BCAS3: variants seen among roughly 807,000 people sequenced by gnomAD.
BCAS3 encodes the protein BCAS3 microtubule associated cell migration factor, also known as BCAS4/BCAS3 fusion.
BCAS3 carries 53 observed loss-of-function variants against 116.1 expected under a neutral mutation model. The observed-to-expected ratio is 0.46, with a 90% CI of 0.37 to 0.57. The LOEUF (loss-of-function observed/expected upper bound fraction) is 0.57. Among genes scored for constraint, BCAS3 ranks in the 20% least tolerant of loss-of-function variants. The pLI is 0.00. For missense variants in BCAS3, 917 were observed against 1,165.4 expected (o/e 0.79, Z 3.10); for synonymous variants, 391 against 408.2 (o/e 0.96, Z 0.51).
At chr17:61,027,689 T>C (rs2066354150) in intron 16 of BCAS3, among the ~76,000 whole-genome samples, 1 of 151,972 alleles carries the variant, frequency 6.6e-6, no homozygotes, top group African/African-American at 2.4e-5. Context: ...ACACACTTAC[T>C]AGCTATATGA....
chr17:60,938,280 A>C (rs2060041982), intron 13 of BCAS3, among the ~76,000 whole-genome samples: 1 of 152,200 alleles, frequency 6.6e-6, no homozygotes, highest in Admixed American at 6.5e-5. Flanking sequence ...AAACTACCTA[A>C]ATTTCTGAAT....
At chr17:60,792,463 C>A (rs1468582166) in intron 6 of BCAS3, among the ~76,000 whole-genome samples, 1 of 152,204 alleles carries the variant, frequency 6.6e-6, no homozygotes, top group East Asian at 1.9e-4. Context: ...GTGAGCAGAG[C>A]ACAGCCTGCC....
chr17:60,719,532 G>A (rs930382687), intron 5 of BCAS3, among the ~76,000 whole-genome samples: 1 of 152,154 alleles, frequency 6.6e-6, no homozygotes, highest in Non-Finnish European at 1.5e-5. Context: ...TAACATTTCT[G>A]TGATTATTAA....
At chr17:61,252,170 G>C (rs73993407) in intron 22 of BCAS3, among the ~76,000 whole-genome samples, 1 of 152,084 alleles carries the variant, frequency 6.6e-6, no homozygotes, top group Non-Finnish European at 1.5e-5. Context: ...CATTAATAAC[G>C]TTTTGTTTAG....
intron 7 of BCAS3, among the ~76,000 whole-genome samples, chr17:60,820,973 T>G (rs2049911282): frequency 6.6e-6 from 1 of 151,966 alleles, no homozygotes; most frequent in African/African-American, 2.4e-5. Flanking sequence ...TGAGACGGAG[T>G]TTTGCTCTTG....
intron 7 of BCAS3, among the ~76,000 whole-genome samples, chr17:60,850,598 A>G (rs192968738): frequency 6.6e-6 from 1 of 151,898 alleles, no homozygotes; most frequent in East Asian, 1.9e-4. Context: ...ACCTCAGGTA[A>G]TCTGCCTGCC....
At chr17:61,384,387 CT>C (rs1481352545) in intron 23 of BCAS3, 2 of 152,286 alleles carry the variant, frequency 1.3e-5, no homozygotes, top group Non-Finnish European at 2.9e-5. Context: ...AAGCCCCCCA[CT>C]TGCTTTTCTC....
intron 22 of BCAS3, among the ~76,000 whole-genome samples, chr17:61,269,112 CT>C (rs2050014194): frequency 6.7e-6 from 1 of 150,018 alleles, no homozygotes; most frequent in Non-Finnish European, 1.5e-5. Context: ...ATTGTATTTT[CT>C]TTTCTTTTTT....
rs1457467100 is a variant in BCAS3 at position 61,071,884 on chromosome 17, T to C, written c.2030-3036T>C. Among the ~76,000 whole-genome samples the C allele has an allele frequency of 3.9e-5, 6 of 152,228 alleles. No homozygotes were observed. The East Asian group carries it at 1.2e-3, about 29-fold the overall frequency. On this transcript the variant is annotated intron_variant, in intron 19 of 23. Transcript: ENST00000407086. Reference sequence around the variant, plus strand: ...TTGGATTATAGTTAGCTTCTAATTATAAGCTTTTCCTGTTTTGATGTTTGT... The same window carrying C: ...TTGGATTATAGTTAGCTTCTAATTACAAGCTTTTCCTGTTTTGATGTTTGT...
At chr17:60,981,908 A>G (rs1045661413) in intron 14 of BCAS3, among the ~76,000 whole-genome samples, 2 of 152,168 alleles carry the variant, frequency 1.3e-5, no homozygotes, top group Non-Finnish European at 2.9e-5. Flanking sequence ...CTTTATATTT[A>G]TAGTACTGTT....
At chr17:60,802,371 C>CATACATACATAT (rs1555724685) in intron 6 of BCAS3, among the ~76,000 whole-genome samples, 13 of 111,946 alleles carry the variant, frequency 1.2e-4, no homozygotes, top group African/African-American at 4.9e-4. Context: ...TACATACATA[C>CATACATACATAT]ATATATATAT....
chr17:60,802,262 C>T (rs1277811503), intron 6 of BCAS3, among the ~76,000 whole-genome samples: 3 of 134,930 alleles, frequency 2.2e-5, no homozygotes, highest in Non-Finnish European at 3.1e-5. Flanking sequence ...CCAGCCTGTG[C>T]AACAGAGTGA....
intron 3 of BCAS3, among the ~76,000 whole-genome samples, chr17:60,686,813 A>G (rs1013792982): frequency 2.0e-5 from 3 of 152,356 alleles, no homozygotes; most frequent in East Asian, 3.8e-4. Flanking sequence ...GGCGTGAGCC[A>G]CTGCACCTGG....
At chr17:61,345,179 C>T (rs1429041473) in intron 22 of BCAS3, among the ~76,000 whole-genome samples, 2 of 152,126 alleles carry the variant, frequency 1.3e-5, no homozygotes, top group Admixed American at 6.6e-5. Context: ...AAACTAAAGC[C>T]GGGAAGAGCT....
Position 61,140,476 on chromosome 17 carries a change from TA to T in BCAS3, c.2425+55915del, listed in dbSNP as rs1216372156. 6.6e-6 allele frequency among the ~76,000 whole-genome samples: 1 copy of T among 152,158 alleles called. No homozygotes were observed. The highest frequency in any genetic ancestry group is 1.5e-5 in the Non-Finnish European group (1 of 68,022). ...TATTCTGGCAGCAGGATTGAAACAT[TA>T]AAGAAAAGTAACCCTGTTAAGTGGT... On this transcript the variant is annotated intron_variant, in intron 22 of 23. Coordinates refer to ENST00000407086, the MANE Select transcript of BCAS3 (RefSeq NM_017679.5). The surrounding 1 kb of genome is among the most constrained non-coding windows in gnomAD (Gnocchi z 4.2).
chr17:61,353,798 A>AG (rs1313652768), intron 22 of BCAS3: 1 of 152,194 alleles, frequency 6.6e-6, no homozygotes, highest in Non-Finnish European at 1.5e-5. Context: ...AAGGCTGGCG[A>AG]GGGCTGAACA....
intron 10 of BCAS3, among the ~76,000 whole-genome samples, chr17:60,897,182 C>T (rs548681694): frequency 1.4e-4 from 21 of 152,164 alleles, no homozygotes; most frequent in Non-Finnish European, 2.9e-4. Flanking sequence ...TTGCTGGATA[C>T]AGTATTCTTG....
intron 2 of BCAS3, among the ~76,000 whole-genome samples, chr17:60,682,190 CAA>C (rs1452038465): frequency 6.6e-6 from 1 of 152,102 alleles, no homozygotes; most frequent in Non-Finnish European, 1.5e-5. Flanking sequence ...GAAGCTCTCT[CAA>C]AGGAGGCAGC....
intron 10 of BCAS3, among the ~76,000 whole-genome samples, 157 bp from the exon 11 acceptor site, chr17:60,902,463 G>A (rs959602224): frequency 3.9e-5 from 6 of 152,140 alleles, no homozygotes; most frequent in African/African-American, 1.2e-4. Flanking sequence ...GAAGTGTCTC[G>A]GCAAAGCTTT....
Sources: gnomAD v4.1 joint callset for allele counts (sites outside exome capture counted in the v4.1 genomes callset) on GRCh38, gnomAD v4.1.1 for gene constraint, Gnocchi (gnomAD v3.1) non-coding constraint, MANE v1.5 for transcripts, NCBI Gene and HGNC (gene_info 2026-07-23, HGNC 2026-07-21) for gene names.